The following CACNA2D3 variants were observed in gnomAD, a reference collection of about 807,000 sequenced individuals.
The protein encoded by CACNA2D3 is voltage-dependent calcium channel subunit alpha-2/delta-3.
CACNA2D3 carries 60 observed loss-of-function variants against 160.6 expected under a neutral mutation model. The observed-to-expected ratio is 0.37, with a 90% CI of 0.30 to 0.46. CACNA2D3 has a LOEUF of 0.46. Ranked by LOEUF, CACNA2D3 falls within the 20% of genes least tolerant of loss-of-function variation. The pLI is 1.00. For missense variants in CACNA2D3, 1,205 were observed against 1,365.0 expected (o/e 0.88, Z 1.85); for synonymous variants, 558 against 492.9 (o/e 1.13, Z -1.75).
At chr3:55,009,287 C>A in intron 33 of CACNA2D3, 101 bp from the exon 34 acceptor site, 2 of 1,001,082 alleles carry the variant, frequency 2.0e-6, no homozygotes, top group Non-Finnish European at 3.2e-6. Flanking sequence ...TTGTGATGTT[C>A]TCAAATGAGG....
chr3:54,387,600 T>C (rs1023584001), intron 4 of CACNA2D3, among the ~76,000 whole-genome samples: 2 of 152,152 alleles, frequency 1.3e-5, no homozygotes, highest in African/African-American at 4.8e-5. Flanking sequence ...TGCAGTGAGC[T>C]GAGATTGAGC....
At chr3:54,224,278 C>CT (rs35580812) in intron 2 of CACNA2D3, among the ~76,000 whole-genome samples, 36,924 of 149,566 alleles carry the variant, frequency 0.25, 4,586 homozygotes, top group South Asian at 0.31. Context: ...TTCCATTTAA[C>CT]TTTTTTTTTT....
intron 26 of CACNA2D3, 129 bp downstream of exon 26, chr3:54,896,999 T>A: frequency 8.5e-7 from 1 of 1,182,558 alleles, no homozygotes. Context: ...CAGTGCTGAA[T>A]ATTGGGTCAG....
At chr3:54,324,675 G>A (rs1317701448) in intron 3 of CACNA2D3, among the ~76,000 whole-genome samples, 1 of 151,984 alleles carries the variant, frequency 6.6e-6, no homozygotes, top group African/African-American at 2.4e-5. Flanking sequence ...CACCTTCATT[G>A]TTCAGACATA....
chr3:54,988,831 A>G (rs1438347756), intron 31 of CACNA2D3, among the ~76,000 whole-genome samples: 1 of 152,240 alleles, frequency 6.6e-6, no homozygotes, highest in Admixed American at 6.5e-5. Flanking sequence ...AAGAAATGAT[A>G]TAAGAACCTG....
chr3:54,630,798 A>T (rs958147617), intron 10 of CACNA2D3, among the ~76,000 whole-genome samples: 1 of 152,114 alleles, frequency 6.6e-6, no homozygotes, highest in Non-Finnish European at 1.5e-5. Flanking sequence ...TGAACAGGAA[A>T]ACCCTCCATA....
At chr3:54,284,306 AATTAAAT>A in intron 2 of CACNA2D3, among the ~76,000 whole-genome samples, 1 of 151,410 alleles carries the variant, frequency 6.6e-6, no homozygotes, top group Non-Finnish European at 1.5e-5. Flanking sequence ...AAATTAAAAA[AATTAAAT>A]AAAATGGTAC....
At chr3:54,880,993 C>T (rs1475124042) in intron 21 of CACNA2D3, 130 bp downstream of exon 21, 12 of 750,474 alleles carry the variant, frequency 1.6e-5, no homozygotes, top group East Asian at 1.5e-4. Context: ...TCCACTCAAA[C>T]GAATGCCTAC....
chr3:54,447,315 A>G (rs897658481), intron 4 of CACNA2D3, among the ~76,000 whole-genome samples: 2 of 152,254 alleles, frequency 1.3e-5, no homozygotes, highest in Admixed American at 6.5e-5. Context: ...TATGAAAAGA[A>G]AAAAGAAGAA....
chr3:54,159,571 C>T (rs558583012), intron 2 of CACNA2D3, among the ~76,000 whole-genome samples: 5 of 152,060 alleles, frequency 3.3e-5, no homozygotes, highest in Non-Finnish European at 7.4e-5. Context: ...CGGTGCCTCC[C>T]GTGTGCCAGG....
At position 54,775,259 on chromosome 3, in the gene CACNA2D3, C is replaced by T. The variant is rs115128076; in HGVS notation, c.1380+10908C>T. 1.2e-3 allele frequency among the ~76,000 whole-genome samples: 188 copies of T among 152,174 alleles called. 1 individual carries two copies. The highest frequency in any genetic ancestry group is 3.8e-3 in the African/African-American group (158 of 41,506). On this transcript the variant is annotated intron_variant, in intron 13 of 37. Transcript: ENST00000474759. ...CTGCACAAAACTTGTTGGTAGAATC[C>T]GAAACCAATCCACGCCTAAGATCAT...
At chr3:54,972,480 G>T (rs1238539250) in intron 29 of CACNA2D3, among the ~76,000 whole-genome samples, 2 of 152,154 alleles carry the variant, frequency 1.3e-5, no homozygotes, top group Admixed American at 1.3e-4. Flanking sequence ...ATGAGACCAT[G>T]TTCCTCTCCC....
intron 11 of CACNA2D3, among the ~76,000 whole-genome samples, chr3:54,712,346 A>G (rs2106966055): frequency 6.6e-6 from 1 of 152,230 alleles, no homozygotes; most frequent in African/African-American, 2.4e-5. Flanking sequence ...AAGGAGAGTA[A>G]TATGGTTTGG....
intron 31 of CACNA2D3, among the ~76,000 whole-genome samples, chr3:54,999,051 A>C (rs188054360): frequency 4.2e-4 from 64 of 152,206 alleles, no homozygotes; most frequent in Middle Eastern, 6.8e-3. Context: ...CGGCCAGCTA[A>C]AGTTGTTTAA....
At chr3:54,592,403 T>G (rs930776365) in intron 9 of CACNA2D3, among the ~76,000 whole-genome samples, 1 of 152,216 alleles carries the variant, frequency 6.6e-6, no homozygotes, top group Non-Finnish European at 1.5e-5. Context: ...AGCTATTGTT[T>G]ACTGTCTGGA....
chr3:54,285,448 G>A (rs965630419), intron 2 of CACNA2D3, among the ~76,000 whole-genome samples: 1 of 152,194 alleles, frequency 6.6e-6, no homozygotes, highest in Non-Finnish European at 1.5e-5. Flanking sequence ...GAACTGGGTG[G>A]AGCCCACCAC....
chr3:54,644,633 G>T (rs1358105908), intron 11 of CACNA2D3, among the ~76,000 whole-genome samples: 1 of 152,192 alleles, frequency 6.6e-6, no homozygotes, highest in Non-Finnish European at 1.5e-5. Flanking sequence ...ATGGGTTCAG[G>T]ACAGAAAAAA....
chr3:54,310,963 G>T (rs1703726523), intron 2 of CACNA2D3, among the ~76,000 whole-genome samples: 1 of 152,170 alleles, frequency 6.6e-6, no homozygotes, highest in Non-Finnish European at 1.5e-5. Context: ...CATCTGGCTA[G>T]AGAGTCCCTG....
At chr3:54,832,033 A>ACG (rs2106747765) in intron 14 of CACNA2D3, among the ~76,000 whole-genome samples, 1 of 149,046 alleles carries the variant, frequency 6.7e-6, no homozygotes, top group East Asian at 2.0e-4. Context: ...ACACACACAC[A>ACG]CACACACACA....
Sources: allele counts gnomAD v4.1 joint callset (sites outside exome capture counted in the v4.1 genomes callset), GRCh38; gene constraint gnomAD v4.1.1; transcripts MANE v1.5; gene names NCBI Gene and HGNC (gene_info 2026-07-23, HGNC 2026-07-21).